The following PCDHGB7 variants were observed in gnomAD, a reference collection of about 807,000 sequenced individuals.
PCDHGB7 encodes protocadherin gamma subfamily B, 7.
In PCDHGB7, 37 loss-of-function variants were observed where a neutral mutation model predicts 61.4. That is an observed-to-expected ratio of 0.60 (90% confidence interval 0.46 to 0.79). The LOEUF (loss-of-function observed/expected upper bound fraction) is 0.79, where lower values mean the gene tolerates loss of function less well. PCDHGB7 is among the 30% of genes least tolerant of loss of function. The probability of loss-of-function intolerance (pLI) is 0.00; values close to 1 mark genes in which losing one functional copy is unlikely to be tolerated. For synonymous variants in PCDHGB7, 464 were observed against 503.5 expected, an observed-to-expected ratio of 0.92 and a Z score of 1.05; for missense variants, 1,166 against 1,202.5, an observed-to-expected ratio of 0.97 and a Z score of 0.45.
At chr5:141,473,401 T>G (rs1285517100) in intron 1 of PCDHGB7, among the ~76,000 whole-genome samples, 3 of 152,222 alleles carry the variant, frequency 2.0e-5, no homozygotes. Context: ...GCTTCTTTTT[T>G]TCTTCTTCAG....
rs201673318 is a variant in PCDHGB7, at chr5:141,421,626, C to G, written c.2415+1352C>G. On this transcript the variant is annotated intron_variant, in intron 1 of 3. Coordinates refer to ENST00000398594, the MANE Select transcript of PCDHGB7 (RefSeq NM_018927.4). ...TAGATATTAATGATAACGCCCCCAG[C>G]TTCCAGGAGGACGAAGTGGAGATAA... 1.9e-6 allele frequency: 3 copies of G among 1,613,842 alleles called. No individual in the cohort carries two copies. In the African/African-American group the frequency reaches 4.0e-5, roughly 21 times the overall value.
rs2099396190 is a variant in PCDHGB7 at position 141,476,685 on chromosome 5, G to A, written c.2416-18122G>A. On this transcript the variant is annotated intron_variant, in intron 1 of 3. Coordinates refer to ENST00000398594, the MANE Select transcript of PCDHGB7 (RefSeq NM_018927.4). This position sits in a 1 kb window ranked among gnomAD's most constrained non-coding sequence, Gnocchi z 7.6. ...CTTCGCGTGCAGACGCGGGAGGACA[G>A]CACCAAGTACGCGGAGCTGGTGTTG... 3.1e-6 allele frequency: 5 copies of A among 1,614,102 alleles called. No homozygotes were observed.
rs762476625 is a variant in PCDHGB7 at position 141,420,218 on chromosome 5, C to T, written c.2359C>T (p.Leu787=). ...TQDNLNKDSM[L]LASILTPSVE... ...AGATAACCTCAACAAAGATAGCATG[C>T]TACTGGCTAGCATTTTAACTCCCAG... Residue 787 remains leucine, a synonymous_variant, in exon 1 of 4, where the codon CTA becomes TTA. Coordinates refer to ENST00000398594, the MANE Select transcript of PCDHGB7 (RefSeq NM_018927.4). The T allele has an allele frequency of 6.8e-6, 11 of 1,608,290 alleles. No individual in the cohort carries two copies. Among genetic ancestry groups the T allele is most frequent in the Admixed American group, 1.7e-5 (1 of 59,448 alleles).
intron 2 of PCDHGB7, among the ~76,000 whole-genome samples, chr5:141,500,001 A>G (rs961582279): frequency 6.6e-5 from 10 of 151,914 alleles, no homozygotes; most frequent in African/African-American, 2.4e-4. Context: ...TGATTCTTTC[A>G]TAAGGTCCAC....
In PCDHGB7 at chr5:141,485,867, G is replaced by T; in HGVS notation, c.2416-8940G>T. The T allele has an allele frequency of 6.2e-7, 1 of 1,614,164 alleles. No homozygotes were observed. Among genetic ancestry groups the T allele is most frequent in the Non-Finnish European group, 8.5e-7 (1 of 1,180,040 alleles). On this transcript the variant is annotated intron_variant, in intron 1 of 3. Transcript: ENST00000398594. The surrounding 1 kb of genome is among the most constrained non-coding windows in gnomAD (Gnocchi z 5.7). ...TGGCACCGCAGAGCTCCGGGTATCC[G>T]TGCTGGACGTAAACGACAACGCCCC...
In PCDHGB7 at chr5:141,432,219, T is replaced by A. The variant is rs1327611752; in HGVS notation, c.2415+11945T>A. 6.2e-7 allele frequency: 1 copy of A among 1,614,122 alleles called. No homozygotes were observed. Among genetic ancestry groups the A allele is most frequent in the East Asian group, 2.2e-5 (1 of 44,868 alleles). On this transcript the variant is annotated intron_variant, in intron 1 of 3. Transcript: ENST00000398594. The surrounding 1 kb of genome is among the most constrained non-coding windows in gnomAD (Gnocchi z 6.0). The stretch of plus-strand genomic sequence containing the variant: ...CCCGACTGTGAAGAGAACGCCCAGA[T>A]CACTTATTCCCTGGCTGAGAACACC...
At chr5:141,447,437 G>A (rs1435222330) in intron 1 of PCDHGB7, among the ~76,000 whole-genome samples, 3 of 152,128 alleles carry the variant, frequency 2.0e-5, no homozygotes, top group Non-Finnish European at 2.9e-5. Context: ...CGCACCCGGA[G>A]GAAATTTTTA....
Position 141,432,108 on chromosome 5 carries a change from C to T in PCDHGB7, c.2415+11834C>T, listed in dbSNP as rs1432933024. The T allele has an allele frequency of 1.9e-6, 3 of 1,614,180 alleles. No homozygotes were observed. The highest frequency in any genetic ancestry group is 1.7e-5 in the Admixed American group (1 of 60,020). Reference sequence around the variant, plus strand: ...GTGGCAGACACCAACGACAACCCGCCGGTCTTCCCTCAGGCCTCCTATTCC... The same window carrying T: ...GTGGCAGACACCAACGACAACCCGCTGGTCTTCCCTCAGGCCTCCTATTCC... On this transcript the variant is annotated intron_variant, in intron 1 of 3. Coordinates refer to ENST00000398594, the MANE Select transcript of PCDHGB7 (RefSeq NM_018927.4). The surrounding 1 kb of genome is among the most constrained non-coding windows in gnomAD (Gnocchi z 6.0).
At chr5:141,458,103 T>TA (rs1401283935) in intron 1 of PCDHGB7, among the ~76,000 whole-genome samples, 2 of 152,212 alleles carry the variant, frequency 1.3e-5, no homozygotes, top group Non-Finnish European at 2.9e-5. Context: ...TACTTACAGA[T>TA]AGTCTCCAAA....
intron 1 of PCDHGB7, chr5:141,422,658 C>T (rs2096662185): frequency 6.2e-7 from 1 of 1,609,912 alleles, no homozygotes; most frequent in Non-Finnish European, 8.5e-7. Context: ...CAGTGACCGC[C>T]CTCGACCCGG....
Position 141,491,910 on chromosome 5 carries a change from G to A in PCDHGB7, c.2416-2897G>A, listed in dbSNP as rs946745903. 1.4e-5 allele frequency: 19 copies of A among 1,406,944 alleles called. No individual in the cohort carries two copies. The South Asian group carries it at 2.6e-4, about 19-fold the overall frequency. 87.2% of individuals were successfully genotyped at this position (1,406,944 alleles called of 1,614,324 possible). On this transcript the variant is annotated intron_variant, in intron 1 of 3. Transcript: ENST00000398594. This position sits in a 1 kb window ranked among gnomAD's most constrained non-coding sequence, Gnocchi z 6.9. ...GGCTCCGAGCACCGGGGGTGGTGGCGACTGTGGGCGAGGGGAGGTGGGACC... is the reference window on the plus strand; with the variant it reads ...GGCTCCGAGCACCGGGGGTGGTGGCAACTGTGGGCGAGGGGAGGTGGGACC...
chr5:141,490,346 TG>T lies in PCDHGB7; in HGVS notation c.2416-4457del, dbSNP rs1458588422. ...GAGAGCACACCAGTGGGCACAGTAG[TG>T]GGGTTGTTTAATGTGCGAGACCGGG... On this transcript the variant is annotated intron_variant, in intron 1 of 3. Coordinates refer to ENST00000398594, the MANE Select transcript of PCDHGB7 (RefSeq NM_018927.4). The surrounding 1 kb of genome is among the most constrained non-coding windows in gnomAD (Gnocchi z 5.4). 1.2e-6 allele frequency: 2 copies of T among 1,614,164 alleles called. No individual in the cohort carries two copies. The highest frequency in any genetic ancestry group is 3.3e-5 in the Admixed American group (2 of 60,032).
chr5:141,450,107 A>G (rs1228532939), intron 1 of PCDHGB7, among the ~76,000 whole-genome samples: 3 of 150,976 alleles, frequency 2.0e-5, no homozygotes, highest in Non-Finnish European at 4.4e-5. Flanking sequence ...CCCAGGTTCA[A>G]ATGATTCTCC....
chr5:141,469,918 G>T (rs2099215604), intron 1 of PCDHGB7, among the ~76,000 whole-genome samples: 2 of 152,148 alleles, frequency 1.3e-5, no homozygotes, highest in African/African-American at 4.8e-5. Context: ...ACCACCCGAG[G>T]TCAGGAGTTT....
chr5:141,448,394 T>A (rs1360417681), intron 1 of PCDHGB7, among the ~76,000 whole-genome samples: 2 of 152,206 alleles, frequency 1.3e-5, no homozygotes, highest in Admixed American at 6.5e-5. Context: ...TACATTTACA[T>A]GGTTTTAAAA....
chr5:141,487,006 G>A lies in PCDHGB7; in HGVS notation c.2416-7801G>A. ...ATGCTTGGGTTTCCTATCAGCTCCT[G>A]GAGGCCCCAGATCCCAGCCTGTTTG... On this transcript the variant is annotated intron_variant, in intron 1 of 3. Transcript: ENST00000398594. This position sits in a 1 kb window ranked among gnomAD's most constrained non-coding sequence, Gnocchi z 5.0. 1 of 1,614,206 alleles carries A rather than the reference G, an allele frequency of 6.2e-7. No homozygotes were observed. The highest frequency in any genetic ancestry group is 8.5e-7 in the Non-Finnish European group (1 of 1,180,042).
At chr5:141,501,103 G>A (rs1449600108) in intron 2 of PCDHGB7, among the ~76,000 whole-genome samples, 9 of 152,078 alleles carry the variant, frequency 5.9e-5, no homozygotes, top group African/African-American at 1.4e-4. Context: ...TCTTGACCTC[G>A]TGATCCGCCT....
chr5:141,485,958 T>C lies in PCDHGB7; in HGVS notation c.2416-8849T>C. On this transcript the variant is annotated intron_variant, in intron 1 of 3. Transcript: ENST00000398594. The surrounding 1 kb of genome is among the most constrained non-coding windows in gnomAD (Gnocchi z 5.7). ...AGCGCACCAGCGGGCATGGTGCTCATCCAGCTCAATGCCTCAGACCCGGAC... is the reference window on the plus strand; with the variant it reads ...AGCGCACCAGCGGGCATGGTGCTCACCCAGCTCAATGCCTCAGACCCGGAC... 1 of 1,614,190 alleles carries C rather than the reference T, an allele frequency of 6.2e-7. No individual in the cohort carries two copies. The highest frequency in any genetic ancestry group is 8.5e-7 in the Non-Finnish European group (1 of 1,180,032).
At chr5:141,468,487 G>A (rs945439990) in intron 1 of PCDHGB7, 6 of 152,110 alleles carry the variant, frequency 3.9e-5, no homozygotes, top group African/African-American at 1.4e-4. Context: ...TAGGTCTCAT[G>A]GAAGATTTTC....
Sources: gnomAD v4.1 joint callset for allele counts (sites outside exome capture counted in the v4.1 genomes callset) on GRCh38, gnomAD v4.1.1 for gene constraint, Gnocchi (gnomAD v3.1) non-coding constraint, MANE v1.5 for transcripts, NCBI Gene and HGNC (gene_info 2026-07-23, HGNC 2026-07-21) for gene names.